Variants in ZNF804B observed in about 807,000 individuals in gnomAD.
ZNF804B encodes the protein zinc finger protein 804B, also known as zinc finger 804B.
Under a neutral mutation model 101.4 loss-of-function variants are expected in ZNF804B, and 80 were observed. The observed-to-expected ratio is 0.79, with a 90% CI of 0.66 to 0.95. ZNF804B has a LOEUF of 0.95. ZNF804B is among the 40% of genes least tolerant of loss of function. The probability of loss-of-function intolerance (pLI) is 0.00; values close to 1 mark genes in which losing one functional copy is unlikely to be tolerated. For synonymous variants in ZNF804B, 622 were observed against 558.8 expected, an observed-to-expected ratio of 1.11 and a Z score of -1.59; for missense variants, 1,673 against 1,561.9, an observed-to-expected ratio of 1.07 and a Z score of -1.20.
At chr7:89,091,636 A>G (rs919488163) in intron 1 of ZNF804B, among the ~76,000 whole-genome samples, 5 of 152,160 alleles carry the variant, frequency 3.3e-5, no homozygotes, top group Admixed American at 2.0e-4. Context: ...AGGATAGACA[A>G]TACATCCCAC....
intron 1 of ZNF804B, among the ~76,000 whole-genome samples, chr7:88,950,666 T>C (rs1793204791): frequency 6.6e-6 from 1 of 151,918 alleles, no homozygotes; most frequent in African/African-American, 2.4e-5. Flanking sequence ...AAATATGTTT[T>C]TTTTTTCTCT....
chr7:88,841,953 A>G (rs914845803), intron 1 of ZNF804B, among the ~76,000 whole-genome samples: 3 of 152,206 alleles, frequency 2.0e-5, no homozygotes, highest in African/African-American at 4.8e-5. Flanking sequence ...AGGCATGTCT[A>G]GCTAACATGT....
At chr7:89,205,902 C>T (rs1264501759) in intron 1 of ZNF804B, among the ~76,000 whole-genome samples, 1 of 152,194 alleles carries the variant, frequency 6.6e-6, no homozygotes, top group Admixed American at 6.5e-5. Flanking sequence ...AGAGGTTCTC[C>T]ACAAGGCCCC....
chr7:89,100,373 T>C (rs1162978355), intron 1 of ZNF804B, among the ~76,000 whole-genome samples: 1 of 152,134 alleles, frequency 6.6e-6, no homozygotes, highest in Non-Finnish European at 1.5e-5. Context: ...CAATAAATCA[T>C]TGGAGAACTT....
At chr7:89,130,994 G>A (rs112769347) in intron 1 of ZNF804B, among the ~76,000 whole-genome samples, 40 of 152,082 alleles carry the variant, frequency 2.6e-4, no homozygotes, top group African/African-American at 9.4e-4. Context: ...TTTTGAAGAA[G>A]TGTTACATCA....
At chr7:89,012,057 C>G (rs903737471) in intron 1 of ZNF804B, among the ~76,000 whole-genome samples, 4 of 152,158 alleles carry the variant, frequency 2.6e-5, no homozygotes, top group Non-Finnish European at 5.9e-5. Flanking sequence ...GCTCCCAAAC[C>G]TCAATTCTTG....
intron 1 of ZNF804B, among the ~76,000 whole-genome samples, chr7:88,773,968 G>A (rs1431774502): frequency 1.3e-5 from 2 of 151,966 alleles, no homozygotes; most frequent in Admixed American, 6.6e-5. Context: ...AGATTTGGGT[G>A]GGGACAAATA....
intron 1 of ZNF804B, among the ~76,000 whole-genome samples, chr7:88,808,212 T>TGA (rs1310061437): frequency 6.6e-6 from 1 of 151,736 alleles, no homozygotes; most frequent in Non-Finnish European, 1.5e-5. Flanking sequence ...GCCAACATGG[T>TGA]GAAAACCCTT....
At chr7:88,974,666 G>C (rs1035686616) in intron 1 of ZNF804B, among the ~76,000 whole-genome samples, 2 of 151,016 alleles carry the variant, frequency 1.3e-5, no homozygotes, top group African/African-American at 2.4e-5. Flanking sequence ...ATTTTTATGG[G>C]TATGTAGTAG....
chr7:88,761,681 G>C (rs778601966), intron 1 of ZNF804B, among the ~76,000 whole-genome samples: 1 of 152,092 alleles, frequency 6.6e-6, no homozygotes, highest in Non-Finnish European at 1.5e-5. Flanking sequence ...TGTCTCCCTT[G>C]CCCTCCTTTT....
At chr7:89,248,337 A>G (rs1343501302) in intron 2 of ZNF804B, among the ~76,000 whole-genome samples, 2 of 152,140 alleles carry the variant, frequency 1.3e-5, no homozygotes, top group Non-Finnish European at 2.9e-5. Context: ...CTAAAGAAAA[A>G]ATCTTAAAAG....
intron 1 of ZNF804B, among the ~76,000 whole-genome samples, chr7:88,814,181 C>A (rs1174967743): frequency 1.3e-5 from 2 of 152,042 alleles, no homozygotes; most frequent in Non-Finnish European, 2.9e-5. Flanking sequence ...GTGAATAAGA[C>A]TTTTCATATT....
At chr7:89,275,919 C>G (rs1387858572) in intron 2 of ZNF804B, among the ~76,000 whole-genome samples, 1 of 151,612 alleles carries the variant, frequency 6.6e-6, no homozygotes, top group African/African-American at 2.4e-5. Flanking sequence ...GGAATCAACC[C>G]AAACGCCCAT....
intron 1 of ZNF804B, among the ~76,000 whole-genome samples, chr7:89,153,462 A>T (rs867579929): frequency 7.7e-5 from 11 of 143,280 alleles, no homozygotes; most frequent in African/African-American, 2.3e-4. Flanking sequence ...TAATAATAAT[A>T]ATTTTTGCTC....
chr7:89,046,932 A>C (rs950462539), intron 1 of ZNF804B, among the ~76,000 whole-genome samples: 1 of 152,086 alleles, frequency 6.6e-6, no homozygotes, highest in Non-Finnish European at 1.5e-5. Context: ...TATTTATTTT[A>C]ATAGCTTTCT....
At chr7:89,291,598 GAAT>G (rs1358044317) in intron 2 of ZNF804B, among the ~76,000 whole-genome samples, 1 of 151,808 alleles carries the variant, frequency 6.6e-6, no homozygotes, top group Non-Finnish European at 1.5e-5. Context: ...AAAGAAAAAA[GAAT>G]AAAAAAGGAT....
chr7:89,207,682 C>A lies in ZNF804B; in HGVS notation c.109-10473C>A, dbSNP rs145140458. ...TTTTACAGTTATATGAGTTTTTATA[C>A]CACCATATATATTTCAGGAATTCCA... On this transcript the variant is annotated intron_variant, in intron 1 of 3. Coordinates refer to ENST00000333190, the MANE Select transcript of ZNF804B (RefSeq NM_181646.5). 3.8e-3 allele frequency among the ~76,000 whole-genome samples: 576 copies of A among 152,236 alleles called. 3 individuals are homozygous for A. Among genetic ancestry groups the A allele is most frequent in the African/African-American group, 0.013 (553 of 41,524 alleles).
rs1467968151 is a variant in ZNF804B, at chr7:89,327,337, T to C, written c.250-7T>C. On this transcript the variant is annotated splice_polypyrimidine_tract_variant and splice_region_variant and intron_variant, in intron 2 of 3. Coordinates refer to ENST00000333190, the MANE Select transcript of ZNF804B (RefSeq NM_181646.5). ...TAGTACCTTTTTGGTTTTTCTTCTT[T>C]TTCAAGAGACTGAAAGAATTAAAGC... The C allele has an allele frequency of 1.3e-6, 2 of 1,581,328 alleles. No individual in the cohort carries two copies. The highest frequency in any genetic ancestry group is 8.5e-7 in the Non-Finnish European group (1 of 1,170,432).
At chr7:88,926,152 G>A (rs963791871) in intron 1 of ZNF804B, among the ~76,000 whole-genome samples, 18 of 152,146 alleles carry the variant, frequency 1.2e-4, no homozygotes, top group African/African-American at 4.3e-4. Context: ...ACTGCATTCT[G>A]GATGTTAAGC....
Sources: gnomAD v4.1 joint callset for allele counts (sites outside exome capture counted in the v4.1 genomes callset) on GRCh38, gnomAD v4.1.1 for gene constraint, MANE v1.5 for transcripts, NCBI Gene and HGNC (gene_info 2026-07-23, HGNC 2026-07-21) for gene names.